SLC39A11: variants seen among roughly 807,000 people sequenced by gnomAD.
The protein encoded by SLC39A11 is zinc transporter ZIP11.
A neutral mutation model predicts 36.1 loss-of-function variants in SLC39A11; 33 were observed. The ratio of observed to expected loss-of-function variants is 0.91; its 90% CI spans 0.69 to 1.22. The LOEUF (loss-of-function observed/expected upper bound fraction) is 1.22, where lower values mean the gene tolerates loss of function less well. SLC39A11 is among the 50% of genes most tolerant of loss of function. SLC39A11 has a pLI of 0.00. For missense variants in SLC39A11, 432 were observed against 430.3 expected (o/e 1.00, Z -0.03); for synonymous variants, 166 against 170.3 (o/e 0.97, Z 0.20).
chr17:72,962,908 T>A (rs2086707137), intron 4 of SLC39A11, among the ~76,000 whole-genome samples: 1 of 152,170 alleles, frequency 6.6e-6, no homozygotes, highest in African/African-American at 2.4e-5. Context: ...TATATGACTA[T>A]AAGCCACACA....
intron 4 of SLC39A11, among the ~76,000 whole-genome samples, chr17:72,954,949 G>C (rs1434337252): frequency 6.6e-6 from 1 of 152,170 alleles, no homozygotes; most frequent in Non-Finnish European, 1.5e-5. Context: ...CAGGGATCAT[G>C]GGTCATAGTC....
chr17:72,739,267 C>G (rs1265744068), intron 6 of SLC39A11, among the ~76,000 whole-genome samples: 1 of 151,908 alleles, frequency 6.6e-6, no homozygotes, highest in South Asian at 2.1e-4. Context: ...AGCAGGACTA[C>G]AGGCATGCGC....
At chr17:72,684,813 A>G (rs1448195505) in intron 7 of SLC39A11, among the ~76,000 whole-genome samples, 1 of 152,176 alleles carries the variant, frequency 6.6e-6, no homozygotes, top group Non-Finnish European at 1.5e-5. Context: ...AAGAGAAAGC[A>G]TTTGGCTCTG....
At chr17:72,953,961 T>C (rs1445259068) in intron 4 of SLC39A11, among the ~76,000 whole-genome samples, 1 of 152,238 alleles carries the variant, frequency 6.6e-6, no homozygotes, top group African/African-American at 2.4e-5. Context: ...CTGTTCATTT[T>C]GTTCTGAGGT....
At chr17:73,042,598 C>T (rs2059146326) in intron 3 of SLC39A11, among the ~76,000 whole-genome samples, 3 of 152,260 alleles carry the variant, frequency 2.0e-5, no homozygotes, top group African/African-American at 7.2e-5. Context: ...GTCAGGAGTT[C>T]GAGACCAGCA....
chr17:72,959,323 GTGTATATATATATATATA>G lies in SLC39A11; in HGVS notation c.307-11466_307-11449del, dbSNP rs1217970993. Among the ~76,000 whole-genome samples the G allele has an allele frequency of 5.2e-4, 42 of 81,462 alleles. 1 individual carries two copies. The highest frequency in any genetic ancestry group is 3.0e-3 in the East Asian group (10 of 3,338). 53.4% of individuals were successfully genotyped at this position (81,462 alleles called of 152,430 possible). A position where few individuals can be genotyped will look rare whatever the true frequency, so the allele number is the denominator to read the frequency against. On this transcript the variant is annotated intron_variant, in intron 4 of 9. Transcript: ENST00000255559. Reference sequence around the variant, plus strand: ...AACTGGTGTATGTATGTGTGTGTGTGTGTATATATATATATATATATATATATATATATATATATATAT... The same window carrying G: ...AACTGGTGTATGTATGTGTGTGTGTGTATATATATATATATATATATATAT...
At chr17:72,686,233 G>A (rs560857194) in intron 7 of SLC39A11, among the ~76,000 whole-genome samples, 34 of 152,210 alleles carry the variant, frequency 2.2e-4, no homozygotes, top group African/African-American at 7.2e-4. Context: ...GGGCTTGGAC[G>A]AGTCCCTGTC....
At chr17:73,082,116 T>TAAAAAAAA (rs1462631665) in intron 3 of SLC39A11, among the ~76,000 whole-genome samples, 17 of 80,280 alleles carry the variant, frequency 2.1e-4, no homozygotes, top group African/African-American at 3.8e-4. Context: ...CTACTGAAAC[T>TAAAAAAAA]AAAAAAAAAG....
intron 3 of SLC39A11, among the ~76,000 whole-genome samples, chr17:73,083,342 G>C (rs2060612229): frequency 6.6e-6 from 1 of 152,176 alleles, no homozygotes; most frequent in African/African-American, 2.4e-5. Flanking sequence ...AGAAAGGACA[G>C]TGTTTTTGAC....
chr17:73,081,964 G>A (rs928829535), intron 3 of SLC39A11, among the ~76,000 whole-genome samples: 1 of 151,204 alleles, frequency 6.6e-6, no homozygotes, highest in African/African-American at 2.4e-5. Flanking sequence ...GGTGGAAAGG[G>A]TAGGGGGGCT....
chr17:72,892,910 T>C (rs1425004715), intron 5 of SLC39A11, among the ~76,000 whole-genome samples: 1 of 152,180 alleles, frequency 6.6e-6, no homozygotes, highest in Non-Finnish European at 1.5e-5. Flanking sequence ...TAGTCACTCA[T>C]TGCCAGCATC....
intron 7 of SLC39A11, among the ~76,000 whole-genome samples, chr17:72,713,862 C>T (rs1310717158): frequency 6.6e-6 from 1 of 152,184 alleles, no homozygotes; most frequent in Admixed American, 6.5e-5. Context: ...TCCCCCAACA[C>T]TTTGACCCTG....
intron 6 of SLC39A11, among the ~76,000 whole-genome samples, chr17:72,836,086 T>G (rs1006065556): frequency 2.0e-5 from 3 of 152,194 alleles, no homozygotes; most frequent in Admixed American, 6.5e-5. Context: ...TGCCCAGGTT[T>G]CCCTGCCCAA....
At chr17:72,830,800 T>A (rs2078253050) in intron 6 of SLC39A11, among the ~76,000 whole-genome samples, 1 of 152,076 alleles carries the variant, frequency 6.6e-6, no homozygotes, top group African/African-American at 2.4e-5. Context: ...AGTTCCTTAG[T>A]GCCTGAAATT....
intron 5 of SLC39A11, among the ~76,000 whole-genome samples, chr17:72,935,677 G>C (rs530323765): frequency 6.6e-6 from 1 of 152,124 alleles, no homozygotes; most frequent in Admixed American, 6.5e-5. Context: ...CCCGGGTCCC[G>C]GTTCAAGCAA....
chr17:73,022,341 T>C (rs1394172012), intron 4 of SLC39A11, among the ~76,000 whole-genome samples: 1 of 152,154 alleles, frequency 6.6e-6, no homozygotes, highest in Non-Finnish European at 1.5e-5. Context: ...ATGCCAGTAA[T>C]CCCAGCACTT....
chr17:72,668,586 G>C (rs2070858645), intron 7 of SLC39A11, among the ~76,000 whole-genome samples: 1 of 152,208 alleles, frequency 6.6e-6, no homozygotes, highest in South Asian at 2.1e-4. Context: ...TAGAAAAAAG[G>C]AATGAGAAGT....
At chr17:72,699,181 A>G (rs1437823756) in intron 7 of SLC39A11, among the ~76,000 whole-genome samples, 4 of 152,140 alleles carry the variant, frequency 2.6e-5, no homozygotes, top group Non-Finnish European at 4.4e-5. Context: ...ATGGGTGTCC[A>G]ATCTTTTGGC....
intron 6 of SLC39A11, among the ~76,000 whole-genome samples, chr17:72,787,566 T>A (rs1349761899): frequency 2.6e-5 from 4 of 152,226 alleles, no homozygotes. Flanking sequence ...AACCCATGGC[T>A]TTCAAGGGAA....
Sources: gnomAD v4.1 joint callset for allele counts (sites outside exome capture counted in the v4.1 genomes callset) on GRCh38, gnomAD v4.1.1 for gene constraint, MANE v1.5 for transcripts, NCBI Gene and HGNC (gene_info 2026-07-23, HGNC 2026-07-21) for gene names.